The following ITSN2 variants were observed in gnomAD, a reference collection of about 807,000 sequenced individuals.
ITSN2 encodes intersectin 2, also known as intersectin-2.
A neutral mutation model predicts 243.7 loss-of-function variants in ITSN2; 156 were observed. That is an observed-to-expected ratio of 0.64 (90% CI 0.56 to 0.73). The LOEUF is 0.73. Among genes scored for constraint, ITSN2 ranks in the 30% least tolerant of loss-of-function variants. The pLI is 0.00. For synonymous variants in ITSN2, 703 were observed against 699.9 expected, an observed-to-expected ratio of 1.00 and a Z score of -0.07; for missense variants, 1,801 against 1,996.1, an observed-to-expected ratio of 0.90 and a Z score of 1.86.
chr2:24,243,451 G>A (rs929337582), intron 29 of ITSN2, among the ~76,000 whole-genome samples: 8 of 141,078 alleles, frequency 5.7e-5, no homozygotes, highest in East Asian at 4.3e-4. Flanking sequence ...AATAATGACC[G>A]AAAGACGATT....
At chr2:24,209,024 G>A in intron 36 of ITSN2, 76 bp downstream of exon 36, 1 of 1,542,620 alleles carries the variant, frequency 6.5e-7, no homozygotes, top group Non-Finnish European at 8.9e-7. Flanking sequence ...CACGGCTGGA[G>A]ATGGGTTTAT....
In ITSN2 at chr2:24,248,747, A is replaced by G. The variant is rs1195369368; in HGVS notation, c.3170T>C (p.Ile1057Thr). Residue 1057 changes from isoleucine to threonine, a missense_variant, in exon 27 of 40, where the codon ATT (isoleucine) becomes ACT (threonine). Ile to Thr is a moderately conservative substitution (Grantham distance 89, BLOSUM62 -1). Around this residue, in one of 5 missense-constraint regions of ITSN2, gnomAD observed 928 missense variants for 1,065.4 expected, o/e 0.87. Coordinates refer to ENST00000355123, the MANE Select transcript of ITSN2 (RefSeq NM_006277.3). Reference protein sequence around the residue: ...KSGASNKKPEIAQVTSAYVAS... With the variant: ...KSGASNKKPETAQVTSAYVAS... ...AACATATGCTGAAGTTACCTGAGCA[A>G]TCTCTGAAAAGACAAAGAAGAAACT... 12 of 1,613,338 alleles carry G rather than the reference A, an allele frequency of 7.4e-6. No individual in the cohort carries two copies. Among genetic ancestry groups the G allele is most frequent in the Non-Finnish European group, 1.0e-5 (12 of 1,179,732 alleles).
intron 1 of ITSN2, among the ~76,000 whole-genome samples, chr2:24,337,222 C>T (rs1446276397): frequency 6.8e-6 from 1 of 146,584 alleles, no homozygotes; most frequent in African/African-American, 2.5e-5. Context: ...AATGGTCTGA[C>T]ATTCAAAAGC....
In ITSN2 at chr2:24,312,231, T is replaced by C. The variant is rs745380827; in HGVS notation, c.333A>G (p.Pro111=). The part of the protein sequence containing the change: ...PIMKQPPMFS[P]LISARFGMGS... Reference sequence around the variant, plus strand: ...ACTTACCAAAACGAGCAGAAATTAATGGAGAAAACATAGGGGGTTGCTTCA... The same window carrying C: ...ACTTACCAAAACGAGCAGAAATTAACGGAGAAAACATAGGGGGTTGCTTCA... Residue 111 remains proline, a synonymous_variant, in exon 5 of 40, where the codon CCA becomes CCG. Transcript: ENST00000355123. The C allele has an allele frequency of 6.2e-7, 1 of 1,609,170 alleles. No homozygotes were observed. The highest frequency in any genetic ancestry group is 1.1e-5 in the South Asian group (1 of 90,032).
chr2:24,287,373 C>T (rs1679642754), intron 15 of ITSN2, among the ~76,000 whole-genome samples: 1 of 152,114 alleles, frequency 6.6e-6, no homozygotes, highest in Non-Finnish European at 1.5e-5. Flanking sequence ...TTTCCCCTCC[C>T]TCTAACCCCT....
Position 24,248,866 on chromosome 2 carries a change from C to T in ITSN2, c.3137G>A (p.Ser1046Asn). ...TTTTTTATTTGATGCTCCAGACTTG[C>T]TAGCACTCCCAAAACTCTACAAGGA... Reference protein sequence around the residue: ...PKDQESFGSASKSGASNKKPE... With the variant: ...PKDQESFGSANKSGASNKKPE... The change falls in exon 26 of 40, where the codon AGC (serine) becomes AAC (asparagine). Residue 1046 changes from serine (S) to asparagine (N), a missense_variant. Ser to Asn is a conservative substitution (Grantham distance 46). Coordinates refer to ENST00000355123, the MANE Select transcript of ITSN2 (RefSeq NM_006277.3). 1.2e-6 allele frequency: 2 copies of T among 1,613,672 alleles called. No homozygotes were observed. The highest frequency in any genetic ancestry group is 1.7e-6 in the Non-Finnish European group (2 of 1,179,690).
intron 29 of ITSN2, among the ~76,000 whole-genome samples, chr2:24,228,449 T>C (rs1041615096): frequency 1.3e-5 from 2 of 152,202 alleles, no homozygotes; most frequent in Non-Finnish European, 2.9e-5. Context: ...AAAATAATCA[T>C]TGACTGTATA....
At chr2:24,321,036 G>T (rs540843235) in intron 2 of ITSN2, among the ~76,000 whole-genome samples, 2 of 152,314 alleles carry the variant, frequency 1.3e-5, no homozygotes, top group Admixed American at 6.5e-5. Flanking sequence ...GGAGAAACAA[G>T]GGAGAGGAAC....
intron 15 of ITSN2, among the ~76,000 whole-genome samples, chr2:24,289,764 T>C (rs1375814535): frequency 6.6e-6 from 1 of 152,192 alleles, no homozygotes; most frequent in Non-Finnish European, 1.5e-5. Context: ...CACAAATTCA[T>C]AAACTTTCTT....
chr2:24,207,588 G>A (rs1349674829), intron 37 of ITSN2, among the ~76,000 whole-genome samples: 1 of 152,058 alleles, frequency 6.6e-6, no homozygotes, highest in Non-Finnish European at 1.5e-5. Flanking sequence ...CTGGGCAAGG[G>A]TGGAAGAAGA....
At chr2:24,291,539 G>A (rs535736335) in intron 15 of ITSN2, among the ~76,000 whole-genome samples, 2 of 151,158 alleles carry the variant, frequency 1.3e-5, no homozygotes, top group East Asian at 3.9e-4. Context: ...CACCAGGCTG[G>A]AGGGCAGCGG....
intron 33 of ITSN2, 121 bp downstream of exon 33, chr2:24,212,529 C>T (rs1275061456): frequency 3.2e-5 from 22 of 679,718 alleles, no homozygotes; most frequent in Admixed American, 2.7e-4. Context: ...ATCACTTGTG[C>T]GGTGTCACAC....
intron 14 of ITSN2, 50 bp from the exon 15 acceptor site, chr2:24,293,825 AAG>A: frequency 1.8e-6 from 1 of 565,874 alleles, no homozygotes; most frequent in Middle Eastern, 4.0e-4. Flanking sequence ...AATATTGTCC[AAG>A]AGTTTTTTTT....
At chr2:24,328,758 C>T (rs1685444397) in intron 1 of ITSN2, among the ~76,000 whole-genome samples, 1 of 152,120 alleles carries the variant, frequency 6.6e-6, no homozygotes, top group Admixed American at 6.5e-5. Context: ...CCACTGCACC[C>T]AGCCCATAGT....
intron 30 of ITSN2, among the ~76,000 whole-genome samples, chr2:24,218,884 A>G (rs535276038): frequency 4.1e-4 from 63 of 152,302 alleles, no homozygotes; most frequent in African/African-American, 1.4e-3. Context: ...CATCTTTCCA[A>G]AATGCCCATG....
rs915510796 is a variant in ITSN2, at chr2:24,360,400, C to G, written c.-130G>C. The G allele has an allele frequency of 6.6e-6, 1 of 152,500 alleles. No individual in the cohort carries two copies. Among genetic ancestry groups the G allele is most frequent in the Non-Finnish European group, 1.5e-5 (1 of 68,298 alleles). The allele number at this position is 152,500 out of a possible 1,614,324, so 9.4% of individuals were successfully genotyped here. A position where few individuals can be genotyped will look rare whatever the true frequency, so the allele number is the denominator to read the frequency against. The stretch of plus-strand genomic sequence containing the variant: ...CGGGCAGGCGCGGGGAGACCCTGCT[C>G]TGCCGCCGTCGCCGCCACTGCAGCT... On this transcript the variant is annotated 5_prime_UTR_variant, in exon 1 of 40. Coordinates refer to ENST00000355123, the MANE Select transcript of ITSN2 (RefSeq NM_006277.3).
chr2:24,357,169 A>G (rs1336337652), intron 1 of ITSN2, among the ~76,000 whole-genome samples: 2 of 152,244 alleles, frequency 1.3e-5, no homozygotes, highest in African/African-American at 4.8e-5. Context: ...CTAAAGACAC[A>G]TGCACACGTA....
At chr2:24,210,630 A>AG (rs571772475) in intron 34 of ITSN2, 150 bp downstream of exon 34, 8,866 of 628,304 alleles carry the variant, frequency 0.014, 41 homozygotes, top group South Asian at 0.027. Flanking sequence ...AAAAAAAAAA[A>AG]AAAAGAAAAA....
In ITSN2 at chr2:24,212,726, C is replaced by T. The variant is rs1573870936; in HGVS notation, c.4013G>A (p.Cys1338Tyr). The change falls in exon 33 of 40, where the codon TGT becomes TAT. Residue 1338 changes from cysteine (C) to tyrosine (Y), a missense_variant. Cys to Tyr is a radical substitution (Grantham distance 194, BLOSUM62 -2). Around this residue, in one of 5 missense-constraint regions of ITSN2, gnomAD observed 928 missense variants for 1,065.4 expected, o/e 0.87. Coordinates refer to ENST00000355123, the MANE Select transcript of ITSN2 (RefSeq NM_006277.3). ...GAAGCTGGAGAGGGGCATTCCTTTA[C>T]ACCGCGGGTCAGATGCCAGCTTCTG... ...FLKKLASDPRCKGMPLSSFLL... is the reference protein window; with the variant it reads ...FLKKLASDPRYKGMPLSSFLL... 1 of 1,614,146 alleles carries T rather than the reference C, an allele frequency of 6.2e-7. No homozygotes were observed.
Sources: gnomAD v4.1 joint callset for allele counts (sites outside exome capture counted in the v4.1 genomes callset) on GRCh38, gnomAD v4.1.1 for gene constraint, gnomAD v4.1.1 regional missense constraint, MANE v1.5 for transcripts, NCBI Gene and HGNC (gene_info 2026-07-23, HGNC 2026-07-21) for gene names.